The following LRIG3 variants were observed in gnomAD, a reference collection of about 807,000 sequenced individuals.
LRIG3 encodes leucine-rich repeats and immunoglobulin-like domains protein 3.
A neutral mutation model predicts 114.5 loss-of-function variants in LRIG3; 76 were observed. The observed-to-expected ratio is 0.66, with a 90% CI of 0.55 to 0.80. The LOEUF is 0.80. Ranked by LOEUF, LRIG3 falls within the 30% of genes least tolerant of loss-of-function variation. The pLI is 0.00. For missense variants in LRIG3, 1,239 were observed against 1,382.8 expected, an observed-to-expected ratio of 0.90 and a Z score of 1.65; for synonymous variants, 512 against 519.8, an observed-to-expected ratio of 0.98 and a Z score of 0.20.
At chr12:58,881,135 T>C (rs979420638) in intron 12 of LRIG3, among the ~76,000 whole-genome samples, 6 of 152,170 alleles carry the variant, frequency 3.9e-5, no homozygotes, top group Non-Finnish European at 7.4e-5. Context: ...CACTATTACC[T>C]GAGAAAAGAC....
intron 3 of LRIG3, among the ~76,000 whole-genome samples, chr12:58,907,261 ATT>A (rs1872101037): frequency 1.3e-5 from 2 of 152,336 alleles, no homozygotes; most frequent in South Asian, 4.1e-4. Flanking sequence ...CACAGTAGGC[ATT>A]GTTGCTGGGC....
chr12:58,893,835 T>A lies in LRIG3; in HGVS notation c.384-3039A>T, dbSNP rs118004289. ...ATCCCCTCCCCTATCCCTAGCCCTATCTCCCTTCAAACTTTGCATCTGGTT... is the reference window on the plus strand; with the variant it reads ...ATCCCCTCCCCTATCCCTAGCCCTAACTCCCTTCAAACTTTGCATCTGGTT... On this transcript the variant is annotated intron_variant, in intron 3 of 18. Coordinates refer to ENST00000320743, the MANE Select transcript of LRIG3 (RefSeq NM_153377.5). 8.3e-4 allele frequency among the ~76,000 whole-genome samples: 126 copies of A among 152,258 alleles called. 2 individuals carry two copies. In the East Asian group the frequency reaches 0.018, roughly 21 times the overall value.
chr12:58,893,219 G>C, intron 3 of LRIG3, among the ~76,000 whole-genome samples: 1 of 152,262 alleles, frequency 6.6e-6, no homozygotes, highest in East Asian at 1.9e-4. Context: ...TAAATTTAAA[G>C]AACAAATTAA....
intron 13 of LRIG3, among the ~76,000 whole-genome samples, chr12:58,879,600 A>AT (rs2120880963): frequency 6.6e-6 from 1 of 152,346 alleles, no homozygotes; most frequent in Non-Finnish European, 1.5e-5. Flanking sequence ...TGCATTAATG[A>AT]ATCATATTCA....
At chr12:58,915,064 A>G (rs1338160495) in intron 1 of LRIG3, among the ~76,000 whole-genome samples, 1 of 152,250 alleles carries the variant, frequency 6.6e-6, no homozygotes, top group Non-Finnish European at 1.5e-5. Flanking sequence ...TCCATAGAAC[A>G]TCATTACTAT....
intron 3 of LRIG3, among the ~76,000 whole-genome samples, chr12:58,911,156 A>AAGATTCCTAAG (rs1432449611): frequency 5.9e-5 from 9 of 152,100 alleles, no homozygotes; most frequent in Middle Eastern, 3.2e-3. Context: ...TGCATGCTAA[A>AAGATTCCTAAG]AAGGTTAGAG....
intron 3 of LRIG3, among the ~76,000 whole-genome samples, chr12:58,903,870 A>G (rs1421570285): frequency 2.0e-5 from 3 of 152,038 alleles, no homozygotes; most frequent in Admixed American, 6.6e-5. Context: ...AAGATCAGAT[A>G]GTTGTAGATA....
rs564101676 is a variant in LRIG3 at position 58,917,991 on chromosome 12, T to G, written c.236+2009A>C. ...CTTTCAAAAGTGGAAAGAGGAGACC[T>G]CTAGAGCTTTAGGTACAAACAAAAG... On this transcript the variant is annotated intron_variant, in intron 1 of 18. Coordinates refer to ENST00000320743, the MANE Select transcript of LRIG3 (RefSeq NM_153377.5). 2.0e-5 allele frequency among the ~76,000 whole-genome samples: 3 copies of G among 152,312 alleles called. No homozygotes were observed. The East Asian group carries it at 5.8e-4, about 29-fold the overall frequency.
At chr12:58,872,854 T>C in intron 18 of LRIG3, 38 bp from the exon 19 acceptor site, 1 of 1,584,902 alleles carries the variant, frequency 6.3e-7, no homozygotes. Context: ...TGGGTCCCTT[T>C]GCTAGCATGT....
rs764164034 is a variant in LRIG3, at chr12:58,890,114, A to G, written c.541T>C (p.Ser181Pro). The G allele has an allele frequency of 1.2e-6, 2 of 1,613,754 alleles. No individual in the cohort carries two copies. The highest frequency in any genetic ancestry group is 1.7e-6 in the Non-Finnish European group (2 of 1,179,732). Residue 181 changes from serine to proline, a missense_variant, in exon 5 of 19, where the codon TCA (serine) becomes CCA (proline). Coordinates refer to ENST00000320743, the MANE Select transcript of LRIG3 (RefSeq NM_153377.5). ...YLYLNSNRVT[S>P]MEPGYFDNLA... ...TTGTCAAAATACCCAGGTTCCATTGATGTGACTCGGTTGCTGTTGAGATAC... is the reference window on the plus strand; with the variant it reads ...TTGTCAAAATACCCAGGTTCCATTGGTGTGACTCGGTTGCTGTTGAGATAC...
intron 1 of LRIG3, among the ~76,000 whole-genome samples, chr12:58,915,450 A>G (rs539231961): frequency 1.3e-5 from 2 of 152,318 alleles, no homozygotes; most frequent in South Asian, 4.2e-4. Context: ...CCTCCAGAGA[A>G]GCACAGTGTT....
intron 3 of LRIG3, among the ~76,000 whole-genome samples, chr12:58,913,015 C>T (rs1312492853): frequency 1.3e-5 from 2 of 152,184 alleles, no homozygotes; most frequent in African/African-American, 4.8e-5. Context: ...ACAGCGGCTG[C>T]ACCCGTGACT....
At chr12:58,881,906 G>A (rs530801901) in intron 12 of LRIG3, among the ~76,000 whole-genome samples, 83 of 152,176 alleles carry the variant, frequency 5.5e-4, no homozygotes, top group Non-Finnish European at 6.2e-4. Flanking sequence ...GTGTTTCAAC[G>A]TAATAGGGGG....
intron 16 of LRIG3, among the ~76,000 whole-genome samples, chr12:58,875,943 T>C (rs1309668352): frequency 6.6e-6 from 1 of 152,182 alleles, no homozygotes; most frequent in Non-Finnish European, 1.5e-5. Flanking sequence ...TCCCAGTTAC[T>C]TGGGAGGCTG....
At chr12:58,883,788 A>G (rs1232673056) in intron 10 of LRIG3, among the ~76,000 whole-genome samples, 197 bp from the exon 11 acceptor site, 1 of 152,222 alleles carries the variant, frequency 6.6e-6, no homozygotes, top group East Asian at 1.9e-4. Context: ...TATCACAGAT[A>G]GGTTTTGTTT....
At chr12:58,874,004 A>C (rs1167271626) in intron 18 of LRIG3, 51 bp downstream of exon 18, 7 of 1,597,212 alleles carry the variant, frequency 4.4e-6, no homozygotes, top group Non-Finnish European at 6.0e-6. Flanking sequence ...CTCACACACA[A>C]CTTGGAGTAT....
chr12:58,907,732 C>T (rs1303447778), intron 3 of LRIG3, among the ~76,000 whole-genome samples: 1 of 152,150 alleles, frequency 6.6e-6, no homozygotes, highest in Non-Finnish European at 1.5e-5. Flanking sequence ...TAGTGTGAGA[C>T]GAGACGAAAA....
At position 58,877,814 on chromosome 12, in the gene LRIG3, C is replaced by T. The variant is rs1181431666; in HGVS notation, c.2122G>A (p.Val708Ile). 6 of 1,613,034 alleles carry T rather than the reference C, an allele frequency of 3.7e-6. No individual in the cohort carries two copies. In the South Asian group the frequency reaches 4.4e-5, roughly 12 times the overall value. Residue 708 changes from valine (V) to isoleucine (I), a missense_variant, in exon 15 of 19, where the codon GTA becomes ATA. Val to Ile is a conservative substitution (Grantham distance 29). Coordinates refer to ENST00000320743, the MANE Select transcript of LRIG3 (RefSeq NM_153377.5). ...SFLRPLLDRT[V>I]TKGETAVLQC... is the part of the protein sequence containing the mutation. ...AGGACGGCTGTTTCTCCCTTGGTTA[C>T]AGTTCGGTCCAACAGTGGCCGCAAA...
At chr12:58,887,195 C>T (rs924932752) in intron 8 of LRIG3, among the ~76,000 whole-genome samples, 7 of 152,080 alleles carry the variant, frequency 4.6e-5, no homozygotes, top group Admixed American at 2.0e-4. Context: ...ACTTTAAAAC[C>T]ACTCTTCCAA....
Sources: allele counts gnomAD v4.1 joint callset (sites outside exome capture counted in the v4.1 genomes callset), GRCh38; gene constraint gnomAD v4.1.1; transcripts MANE v1.5; gene names NCBI Gene and HGNC (gene_info 2026-07-23, HGNC 2026-07-21).